The following CREBBP variants were observed in gnomAD, a reference collection of about 807,000 sequenced individuals.
The protein encoded by CREBBP is CREB binding lysine acetyltransferase, also known as CREB-binding protein.
Under a neutral mutation model 265.0 loss-of-function variants are expected in CREBBP, and 19 were observed. The observed-to-expected ratio is 0.07, with a 90% CI of 0.05 to 0.11. The LOEUF (loss-of-function observed/expected upper bound fraction) is 0.11, where lower values mean the gene tolerates loss of function less well. Ranked by LOEUF, CREBBP falls within the 10% of genes least tolerant of loss-of-function variation. The pLI is 1.00. For synonymous variants in CREBBP, 1,457 were observed against 1,223.7 expected, an observed-to-expected ratio of 1.19 and a Z score of -3.98; for missense variants, 2,525 against 3,219.0, an observed-to-expected ratio of 0.78 and a Z score of 5.22.
intron 5 of CREBBP, 30 bp downstream of exon 5, chr16:3,791,948 TCTC>T (rs2053517045): frequency 6.5e-7 from 1 of 1,532,414 alleles, no homozygotes; most frequent in Admixed American, 1.7e-5. Flanking sequence ...TCTATTCTCA[TCTC>T]CAAGCTTCTC....
intron 1 of CREBBP, among the ~76,000 whole-genome samples, chr16:3,852,173 T>G (rs1395171931): frequency 8.6e-6 from 1 of 116,860 alleles, no homozygotes; most frequent in African/African-American, 3.1e-5. Flanking sequence ...TTTTTTTTTT[T>G]TTTTTTTTTG....
At chr16:3,840,966 G>C (rs2054555028) in intron 2 of CREBBP, 1 of 156,650 alleles carries the variant, frequency 6.4e-6, no homozygotes, top group African/African-American at 2.4e-5. Flanking sequence ...GGGTACTTTT[G>C]AGAGTGCTAG....
chr16:3,782,586 A>C (rs187001744), intron 6 of CREBBP, 98 bp downstream of exon 6: 56 of 1,500,942 alleles, frequency 3.7e-5, no homozygotes, highest in Non-Finnish European at 4.5e-5. Context: ...CGTAGTAAAA[A>C]ACACAAAACA....
intron 3 of CREBBP, among the ~76,000 whole-genome samples, chr16:3,807,326 G>C (rs1441855729): frequency 6.6e-6 from 1 of 152,180 alleles, no homozygotes; most frequent in Non-Finnish European, 1.5e-5. Flanking sequence ...AGGTGATTTG[G>C]CACTGGAGTC....
In CREBBP at chr16:3,836,924, G is replaced by C. The variant is rs192022788; in HGVS notation, c.798+13373C>G. Among the ~76,000 whole-genome samples the C allele has an allele frequency of 1.1e-4, 17 of 152,274 alleles. No individual in the cohort carries two copies. The East Asian group carries it at 3.1e-3, about 28-fold the overall frequency. On this transcript the variant is annotated intron_variant, in intron 2 of 30. Coordinates refer to ENST00000262367, the MANE Select transcript of CREBBP (RefSeq NM_004380.3). ...TTACTCAGGTGTCTGTGATGCTGCT[G>C]GTGTAAACAAATCAATGCACTACCA...
intron 1 of CREBBP, among the ~76,000 whole-genome samples, chr16:3,869,705 C>T (rs1057405246): frequency 2.0e-5 from 3 of 152,238 alleles, no homozygotes; most frequent in Admixed American, 6.5e-5. Context: ...ATAGACACAG[C>T]GTAGAGCCGC....
At chr16:3,760,064 T>C (rs1318330706) in intron 16 of CREBBP, among the ~76,000 whole-genome samples, 1 of 152,206 alleles carries the variant, frequency 6.6e-6, no homozygotes. Context: ...ATAAGTGATG[T>C]ATTTTTTCTT....
intron 1 of CREBBP, among the ~76,000 whole-genome samples, chr16:3,854,829 C>A (rs1012866881): frequency 6.6e-6 from 1 of 152,230 alleles, no homozygotes; most frequent in Non-Finnish European, 1.5e-5. Context: ...GTCTAACACA[C>A]ACTTGTTATC....
In CREBBP at chr16:3,728,250, G is replaced by A. The variant is rs2151301410; in HGVS notation, c.6797C>T (p.Ala2266Val). ...CATCTGGCCAAGCTGTCCCATCTGA[G>A]CCGCCATCTGGCCCATGGAGCTGCC... ...LQGSSMGQMAAQMGQLGQMGQ... is the reference protein window; with the variant it reads ...LQGSSMGQMAVQMGQLGQMGQ... The change falls in exon 31 of 31, where the codon GCT becomes GTT. Residue 2266 changes from alanine to valine, a missense_variant. Transcript: ENST00000262367. This position sits in a 1 kb window ranked among gnomAD's most constrained non-coding sequence, Gnocchi z 8.7. 6.2e-7 allele frequency: 1 copy of A among 1,612,836 alleles called. No homozygotes were observed. The highest frequency in any genetic ancestry group is 8.5e-7 in the Non-Finnish European group (1 of 1,179,840).
In CREBBP at chr16:3,726,678, T is replaced by C. The variant is rs1452306690; in HGVS notation, c.*1040A>G. The C allele has an allele frequency of 4.3e-6, 1 of 233,588 alleles. No homozygotes were observed. The highest frequency in any genetic ancestry group is 6.0e-5 in the East Asian group (1 of 16,558). 14.5% of individuals were successfully genotyped at this position (233,588 alleles called of 1,614,324 possible). A position where few individuals can be genotyped will look rare whatever the true frequency, so the allele number is the denominator to read the frequency against. On this transcript the variant is annotated 3_prime_UTR_variant, in exon 31 of 31. Transcript: ENST00000262367. ...AAAAACCTCAGTAATTTATATCAAT[T>C]TTAAGCGGTACTTTATATACAATGG...
intron 2 of CREBBP, among the ~76,000 whole-genome samples, chr16:3,845,754 A>G (rs2054653296): frequency 6.6e-6 from 1 of 151,902 alleles, no homozygotes; most frequent in South Asian, 2.1e-4. Context: ...AGTTGTGGTG[A>G]TGCGCGCCTG....
chr16:3,776,962 G>A (rs989845237), intron 11 of CREBBP, among the ~76,000 whole-genome samples: 1 of 151,848 alleles, frequency 6.6e-6, no homozygotes, highest in Non-Finnish European at 1.5e-5. Context: ...AGCTTGCAGT[G>A]AGCCCAGATC....
intron 1 of CREBBP, among the ~76,000 whole-genome samples, chr16:3,870,669 G>A (rs1278744157): frequency 6.6e-6 from 1 of 152,232 alleles, no homozygotes; most frequent in Non-Finnish European, 1.5e-5. Flanking sequence ...ACAGGCAGGG[G>A]CAGAAGCTTC....
At chr16:3,742,631 A>C (rs1316689951) in intron 23 of CREBBP, 1 of 152,016 alleles carries the variant, frequency 6.6e-6, no homozygotes, top group Non-Finnish European at 1.5e-5. Context: ...AGTTTTGTTT[A>C]CTTTTCTCGC....
intron 3 of CREBBP, among the ~76,000 whole-genome samples, chr16:3,804,740 G>T (rs569445910): frequency 1.3e-5 from 2 of 152,328 alleles, no homozygotes; most frequent in South Asian, 4.1e-4. Context: ...CTGGCTGTTA[G>T]TAAGTATGCA....
rs2141202569 is a variant in CREBBP, at chr16:3,770,822, C to T, written c.2628G>A (p.Gly876=). Residue 876 remains glycine (G), a synonymous_variant, in exon 14 of 31, where the codon GGG becomes GGA. Transcript: ENST00000262367. ...GAGCTGCTGGCTGGGGAGGAGTCAT[C>T]CCAGGTGGTGTCGTGTGCTGGAGAG... is the stretch of plus-strand genomic sequence containing the variant. ...MPSLQHTTPP[G]MTPPQPAAPT... 3 of 1,613,942 alleles carry T rather than the reference C, an allele frequency of 1.9e-6. No individual in the cohort carries two copies. Among genetic ancestry groups the T allele is most frequent in the Non-Finnish European group, 2.5e-6 (3 of 1,179,990 alleles).
intron 2 of CREBBP, among the ~76,000 whole-genome samples, chr16:3,817,478 C>T (rs1457634617): frequency 1.4e-5 from 2 of 143,278 alleles, no homozygotes; most frequent in African/African-American, 4.9e-5. Flanking sequence ...CTCTCTACTA[C>T]TCACCTAACT....
At chr16:3,795,349 G>A (rs1398969585) in intron 3 of CREBBP, among the ~76,000 whole-genome samples, 1 of 152,158 alleles carries the variant, frequency 6.6e-6, no homozygotes, top group Non-Finnish European at 1.5e-5. Context: ...CATTATCCAG[G>A]AGTCCACTAC....
intron 19 of CREBBP, among the ~76,000 whole-genome samples, chr16:3,752,331 C>T (rs1292001219): frequency 6.6e-6 from 1 of 152,082 alleles, no homozygotes; most frequent in Non-Finnish European, 1.5e-5. Flanking sequence ...ACTGAAATAG[C>T]TTTATTTTTC....
Sources: allele counts gnomAD v4.1 joint callset (sites outside exome capture counted in the v4.1 genomes callset), GRCh38; gene constraint gnomAD v4.1.1; non-coding constraint Gnocchi (gnomAD v3.1); transcripts MANE v1.5; gene names NCBI Gene and HGNC (gene_info 2026-07-23, HGNC 2026-07-21).